The following DUSP16 variants were observed in gnomAD, a reference collection of about 807,000 sequenced individuals.
DUSP16 encodes the protein dual specificity protein phosphatase 16.
A neutral mutation model predicts 58.3 loss-of-function variants in DUSP16; 21 were observed. The observed-to-expected ratio is 0.36, with a 90% CI of 0.26 to 0.52. The LOEUF is 0.52. Among genes scored for constraint, DUSP16 ranks in the 20% least tolerant of loss-of-function variants. The pLI, the probability that DUSP16 is intolerant of heterozygous loss-of-function variation, is 0.94. For missense variants in DUSP16, 726 were observed against 819.0 expected (o/e 0.89, Z 1.39); for synonymous variants, 320 against 323.8 (o/e 0.99, Z 0.12).
intron 1 of DUSP16, among the ~76,000 whole-genome samples, chr12:12,533,792 T>C (rs187892015): frequency 6.6e-6 from 1 of 152,360 alleles, no homozygotes; most frequent in Non-Finnish European, 1.5e-5. Context: ...AATGCTAAAA[T>C]GGCGTATACA....
At chr12:12,540,235 G>A (rs1431223733) in intron 1 of DUSP16, among the ~76,000 whole-genome samples, 2 of 151,834 alleles carry the variant, frequency 1.3e-5, no homozygotes, top group African/African-American at 4.8e-5. Flanking sequence ...GTTGCTGCAA[G>A]GCTACTGGGG....
intron 3 of DUSP16, among the ~76,000 whole-genome samples, chr12:12,513,252 G>A (rs550204286): frequency 6.0e-4 from 92 of 152,284 alleles, no homozygotes; most frequent in Middle Eastern, 3.4e-3. Flanking sequence ...ATAAAACAGA[G>A]TAGACTTTTA....
At chr12:12,493,905 A>G (rs540840213) in intron 4 of DUSP16, among the ~76,000 whole-genome samples, 1 of 152,304 alleles carries the variant, frequency 6.6e-6, no homozygotes, top group South Asian at 2.1e-4. Flanking sequence ...TATGCTTCCT[A>G]TCAAGTTTCT....
intron 1 of DUSP16, among the ~76,000 whole-genome samples, chr12:12,550,136 G>A (rs1355770758): frequency 6.6e-6 from 1 of 152,142 alleles, no homozygotes; most frequent in Non-Finnish European, 1.5e-5. Flanking sequence ...AGCTAGGCAT[G>A]ATGGAGGGTG....
At chr12:12,539,861 A>G (rs1944525352) in intron 1 of DUSP16, among the ~76,000 whole-genome samples, 1 of 151,588 alleles carries the variant, frequency 6.6e-6, no homozygotes. Flanking sequence ...GACCAGCCTG[A>G]CCAACATGGT....
intron 4 of DUSP16, among the ~76,000 whole-genome samples, chr12:12,500,011 C>A (rs1943886925): frequency 6.6e-6 from 1 of 152,052 alleles, no homozygotes; most frequent in Non-Finnish European, 1.5e-5. Context: ...AGAGCTTTAA[C>A]CCAGGGAGGC....
intron 4 of DUSP16, among the ~76,000 whole-genome samples, chr12:12,498,533 G>C (rs1943864509): frequency 6.6e-6 from 1 of 151,870 alleles, no homozygotes; most frequent in Non-Finnish European, 1.5e-5. Context: ...TCCCACCTCA[G>C]CCTCCCAAGT....
intron 1 of DUSP16, among the ~76,000 whole-genome samples, chr12:12,533,425 G>A (rs1944420159): frequency 6.6e-6 from 1 of 152,164 alleles, no homozygotes; most frequent in South Asian, 2.1e-4. Context: ...CACATTCCAG[G>A]CGTGGCCTTC....
chr12:12,503,334 T>G (rs573489575), intron 3 of DUSP16, among the ~76,000 whole-genome samples: 1 of 151,288 alleles, frequency 6.6e-6, no homozygotes, highest in South Asian at 2.1e-4. Context: ...CAAGCGATTC[T>G]CCTGCCTCAG....
At chr12:12,503,598 A>G (rs1287074072) in intron 3 of DUSP16, among the ~76,000 whole-genome samples, 1 of 152,126 alleles carries the variant, frequency 6.6e-6, no homozygotes, top group East Asian at 1.9e-4. Context: ...ATCTGAGACA[A>G]AAAGTGGAAA....
chr12:12,560,535 A>G (rs2136278035), intron 1 of DUSP16, among the ~76,000 whole-genome samples: 1 of 152,216 alleles, frequency 6.6e-6, no homozygotes, highest in South Asian at 2.1e-4. Flanking sequence ...AAATTCCACA[A>G]TTTTAAAAAA....
chr12:12,554,222 C>CAAGT (rs962856204), intron 1 of DUSP16, among the ~76,000 whole-genome samples: 1 of 138,710 alleles, frequency 7.2e-6, no homozygotes, highest in African/African-American at 2.7e-5. Context: ...AAAAAAAAGC[C>CAAGT]AAGTGCAGAC....
intron 4 of DUSP16, among the ~76,000 whole-genome samples, chr12:12,488,018 C>T (rs1185084761): frequency 6.6e-6 from 1 of 152,180 alleles, no homozygotes; most frequent in Non-Finnish European, 1.5e-5. Flanking sequence ...ACCAGGAGCT[C>T]TTGAAGTTTG....
intron 1 of DUSP16, among the ~76,000 whole-genome samples, chr12:12,526,895 C>A (rs1330235742): frequency 3.3e-5 from 5 of 152,226 alleles, no homozygotes; most frequent in Non-Finnish European, 7.3e-5. Flanking sequence ...AAAACACCCA[C>A]TCCCAAGGCC....
rs746201167 is a variant in DUSP16, at chr12:12,520,982, T to A, written c.117A>T (p.Thr39=). 1 of 1,614,208 alleles carries A rather than the reference T, an allele frequency of 6.2e-7. No individual in the cohort carries two copies. The highest frequency in any genetic ancestry group is 8.5e-7 in the Non-Finnish European group (1 of 1,180,036). ...IDSRPFVEYN[T]SHILEAININ... ...TATTAATGGCTTCCAAAATGTGGGA[T>A]GTATTGTATTCCACAAATGGCCGGC... The change falls in exon 2 of 7, where the codon ACA becomes ACT. Residue 39 remains threonine, a synonymous_variant. Coordinates refer to ENST00000298573, the MANE Select transcript of DUSP16 (RefSeq NM_030640.3).
chr12:12,517,148 C>T (rs573095276), intron 3 of DUSP16, among the ~76,000 whole-genome samples: 1 of 152,324 alleles, frequency 6.6e-6, no homozygotes, highest in South Asian at 2.1e-4. Context: ...GATGTGGGGC[C>T]ACAATTCCTC....
intron 4 of DUSP16, among the ~76,000 whole-genome samples, chr12:12,493,270 C>G (rs543231381): frequency 1.3e-5 from 2 of 152,252 alleles, no homozygotes; most frequent in Admixed American, 1.3e-4. Context: ...CTTGACACCT[C>G]TCTTTTTCAC....
chr12:12,552,520 G>C (rs1464056133), intron 1 of DUSP16, among the ~76,000 whole-genome samples: 1 of 152,120 alleles, frequency 6.6e-6, no homozygotes, highest in Non-Finnish European at 1.5e-5. Flanking sequence ...ACAATTATAT[G>C]AAAAGACTAT....
chr12:12,559,220 T>C (rs542913844), intron 1 of DUSP16, among the ~76,000 whole-genome samples: 1 of 152,380 alleles, frequency 6.6e-6, no homozygotes, highest in Non-Finnish European at 1.5e-5. Flanking sequence ...ATTTTCCTAA[T>C]TATGTTTTTG....
Sources: gnomAD v4.1 joint callset for allele counts (sites outside exome capture counted in the v4.1 genomes callset) on GRCh38, gnomAD v4.1.1 for gene constraint, MANE v1.5 for transcripts, NCBI Gene and HGNC (gene_info 2026-07-23, HGNC 2026-07-21) for gene names.